Variants in ESR2 observed in about 807,000 individuals in gnomAD.
ESR2 encodes estrogen receptor 2.
ESR2 carries 36 observed loss-of-function variants against 49.6 expected under a neutral mutation model. The observed-to-expected ratio is 0.73, with a 90% CI of 0.56 to 0.96. The LOEUF is 0.96. Ranked by LOEUF, ESR2 falls within the 40% of genes least tolerant of loss-of-function variation. The pLI, the probability that ESR2 is intolerant of heterozygous loss-of-function variation, is 0.00. For missense variants in ESR2, 714 were observed against 693.0 expected (o/e 1.03, Z -0.34); for synonymous variants, 320 against 266.1 (o/e 1.20, Z -1.97).
At chr14:64,285,479 T>G (rs972185922) in intron 1 of ESR2, among the ~76,000 whole-genome samples, 2 of 152,158 alleles carry the variant, frequency 1.3e-5, no homozygotes, top group Non-Finnish European at 2.9e-5. Context: ...ATCACTTACA[T>G]ACAAACCTAA....
chr14:64,227,923 TCCC>T, downstream of ESR2: 1 of 1,597,530 alleles, frequency 6.3e-7, no homozygotes, highest in Non-Finnish European at 8.5e-7. Context: ...ATTGCTTTTC[TCCC>T]CATCTGTAAA....
At chr14:64,309,877 G>A (rs540622544) in intron 1 of ESR2, among the ~76,000 whole-genome samples, 3 of 152,218 alleles carry the variant, frequency 2.0e-5, no homozygotes, top group Admixed American at 2.0e-4. Context: ...ACAAGGTCAG[G>A]AGATCGAGAC....
chr14:64,269,034 G>A (rs1298863394), intron 3 of ESR2, 123 bp from the exon 4 acceptor site: 4 of 634,038 alleles, frequency 6.3e-6, no homozygotes, highest in Non-Finnish European at 1.1e-5. Context: ...TTAATGACCA[G>A]TACAGGTACA....
chr14:64,252,524 GAAGAA>G (rs2076010101), intron 6 of ESR2, among the ~76,000 whole-genome samples: 1 of 152,136 alleles, frequency 6.6e-6, no homozygotes, highest in East Asian at 1.9e-4. Context: ...GGTAATCTAT[GAAGAA>G]AAAAGGTTTA....
chr14:64,252,464 T>C (rs369362546), intron 6 of ESR2, among the ~76,000 whole-genome samples: 1 of 152,174 alleles, frequency 6.6e-6, no homozygotes, highest in Non-Finnish European at 1.5e-5. Context: ...ACATGGAATA[T>C]CTTTGTATTA....
At chr14:64,307,860 T>C (rs1407947962) in intron 1 of ESR2, among the ~76,000 whole-genome samples, 1 of 152,088 alleles carries the variant, frequency 6.6e-6, no homozygotes. Flanking sequence ...TTATTGATCT[T>C]CTCAAAGAAC....
intron 7 of ESR2, among the ~76,000 whole-genome samples, chr14:64,236,319 C>T (rs1032260297): frequency 6.6e-6 from 1 of 152,178 alleles, no homozygotes; most frequent in South Asian, 2.1e-4. Flanking sequence ...AATCCCTGTG[C>T]TCACTTTGTT....
upstream of ESR2, among the ~76,000 whole-genome samples, chr14:64,296,385 A>G (rs1334050643): frequency 6.6e-6 from 1 of 152,244 alleles, no homozygotes; most frequent in Non-Finnish European, 1.5e-5. Flanking sequence ...ATAGACAGCT[A>G]CCGCTTATTG....
Position 64,229,183 on chromosome 14 carries a change from C to CTGTTGTGTAA in ESR2, c.*3953_*3954insTTACACAACA, listed in dbSNP as rs2140585262. Reference sequence around the variant, plus strand: ...TGCTGCTGTTGTGTAAAGGCTCATGCAGACCCATCTAAGCTGAGGAGATGG... The same window carrying CTGTTGTGTAA: ...TGCTGCTGTTGTGTAAAGGCTCATGCTGTTGTGTAAAGACCCATCTAAGCTGAGGAGATGG... On this transcript the variant is annotated 3_prime_UTR_variant, in exon 9 of 9. Transcript: ENST00000341099. Among the ~76,000 whole-genome samples, 2 of 152,218 alleles carry CTGTTGTGTAA rather than the reference C, an allele frequency of 1.3e-5. No individual in the cohort carries two copies. Among genetic ancestry groups the CTGTTGTGTAA allele is most frequent in the East Asian group, 3.9e-4 (2 of 5,184 alleles).
intron 1 of ESR2, among the ~76,000 whole-genome samples, chr14:64,299,729 T>A (rs2077001584): frequency 6.6e-6 from 1 of 152,206 alleles, no homozygotes; most frequent in Admixed American, 6.5e-5. Flanking sequence ...TTCACATATG[T>A]CACCGTTTGA....
intron 4 of ESR2, among the ~76,000 whole-genome samples, chr14:64,265,564 T>C (rs1209320350): frequency 6.6e-6 from 1 of 152,204 alleles, no homozygotes; most frequent in Non-Finnish European, 1.5e-5. Flanking sequence ...CAGAAGAGTA[T>C]ACAGCAGGTA....
rs186794236 is a variant in ESR2, at chr14:64,237,047, G to A, written c.1226-1897C>T. Reference sequence around the variant, plus strand: ...ACAATCTCAGCTCACTGCAACCTCCGCCTCCCGGTTTCAAGCAATTCTCCT... The same window carrying A: ...ACAATCTCAGCTCACTGCAACCTCCACCTCCCGGTTTCAAGCAATTCTCCT... On this transcript the variant is annotated intron_variant, in intron 7 of 8. Transcript: ENST00000341099. Among the ~76,000 whole-genome samples the A allele has an allele frequency of 2.9e-4, 44 of 151,040 alleles. No individual in the cohort carries two copies. The East Asian group carries it at 5.9e-3, about 20-fold the overall frequency.
chr14:64,336,502 T>G lies in ESR2; in HGVS notation c.-91+1396A>C, dbSNP rs953551412. On this transcript the variant is annotated intron_variant, in intron 1 of 8. Coordinates refer to the ESR2 transcript ENST00000358599. The stretch of plus-strand genomic sequence containing the variant: ...TACTCTTTCTTTCACAGAACACATT[T>G]TTCACCTGTCTTGTAAGGCAGCATG... The G allele has an allele frequency of 2.0e-5, 3 of 152,334 alleles. No individual in the cohort carries two copies. The South Asian group carries it at 6.2e-4, about 32-fold the overall frequency. The allele number at this position is 152,334 out of a possible 1,614,324, so 9.4% of individuals were successfully genotyped here. A position where few individuals can be genotyped will look rare whatever the true frequency, so the allele number is the denominator to read the frequency against.
At chr14:64,259,919 A>T (rs1354080905) in intron 5 of ESR2, among the ~76,000 whole-genome samples, 1 of 152,160 alleles carries the variant, frequency 6.6e-6, no homozygotes, top group Non-Finnish European at 1.5e-5. Flanking sequence ...CAGCCAAGAA[A>T]TGGGTCAATG....
chr14:64,326,639 C>T (rs908921963), intron 1 of ESR2, among the ~76,000 whole-genome samples: 1 of 152,160 alleles, frequency 6.6e-6, no homozygotes, highest in African/African-American at 2.4e-5. Context: ...TTTACCAGCA[C>T]ATGACTGCCT....
intron 5 of ESR2, 93 bp downstream of exon 5, chr14:64,260,356 C>G (rs758883686): frequency 8.2e-7 from 1 of 1,218,812 alleles, no homozygotes; most frequent in Non-Finnish European, 1.2e-6. Context: ...CTAGGCACAG[C>G]TCATGGACCT....
chr14:64,258,195 C>T (rs770020855), intron 5 of ESR2, among the ~76,000 whole-genome samples: 14 of 148,000 alleles, frequency 9.5e-5, no homozygotes, highest in African/African-American at 3.3e-4. Flanking sequence ...GGCAACAGAG[C>T]GAGACCCTGT....
intron 7 of ESR2, among the ~76,000 whole-genome samples, chr14:64,241,145 CAAAAAAAAAAA>C (rs56347632): frequency 2.2e-4 from 21 of 95,396 alleles, no homozygotes; most frequent in Non-Finnish European, 3.1e-4. Flanking sequence ...GACTCCGTCT[CAAAAAAAAAAA>C]AAAAAAAAAA....
At position 64,232,909 on chromosome 14, in the gene ESR2, G is replaced by T; in HGVS notation, c.*228C>A. Reference sequence around the variant, plus strand: ...CTGAGATCCTATGAGGCCATTGAGTGTGGAAACGCTGCATTCAAATGTGCC... The same window carrying T: ...CTGAGATCCTATGAGGCCATTGAGTTTGGAAACGCTGCATTCAAATGTGCC... On this transcript the variant is annotated 3_prime_UTR_variant, in exon 9 of 9. Transcript: ENST00000341099. 1.3e-6 allele frequency: 1 copy of T among 759,096 alleles called. No individual in the cohort carries two copies. The highest frequency in any genetic ancestry group is 1.9e-6 in the Non-Finnish European group (1 of 521,050). The allele number at this position is 759,096 out of a possible 1,614,324, so 47.0% of individuals were successfully genotyped here. A position where few individuals can be genotyped will look rare whatever the true frequency, so the allele number is the denominator to read the frequency against.
Sources: allele counts gnomAD v4.1 joint callset (sites outside exome capture counted in the v4.1 genomes callset), GRCh38; gene constraint gnomAD v4.1.1; transcripts MANE v1.5; gene names NCBI Gene and HGNC (gene_info 2026-07-23, HGNC 2026-07-21).